Variants in PPP2R2B observed in about 807,000 individuals in gnomAD.
PPP2R2B encodes serine/threonine-protein phosphatase 2A 55 kDa regulatory subunit B beta isoform.
In PPP2R2B, 5 loss-of-function variants were observed where a neutral mutation model predicts 46.0. The ratio of observed to expected loss-of-function variants is 0.11; its 90% CI spans 0.06 to 0.23. PPP2R2B has a LOEUF of 0.23. Among genes scored for constraint, PPP2R2B ranks in the 10% least tolerant of loss-of-function variants. The pLI is 1.00. For synonymous variants in PPP2R2B, 215 were observed against 206.7 expected, an observed-to-expected ratio of 1.04 and a Z score of -0.34; for missense variants, 367 against 575.0, an observed-to-expected ratio of 0.64 and a Z score of 3.70.
intron 7 of PPP2R2B, among the ~76,000 whole-genome samples, chr5:146,617,198 A>G (rs1490667255): frequency 6.6e-6 from 1 of 152,134 alleles, no homozygotes; most frequent in African/African-American, 2.4e-5. Context: ...GGAGATAGAG[A>G]GTAGAAGGAT....
At chr5:147,054,883 C>A (rs959659632) in intron 1 of PPP2R2B, among the ~76,000 whole-genome samples, 10 of 152,148 alleles carry the variant, frequency 6.6e-5, no homozygotes, top group African/African-American at 2.4e-4. Context: ...AAAACACAGG[C>A]ACATCACATA....
chr5:146,909,724 T>G (rs1009965552), intron 1 of PPP2R2B, among the ~76,000 whole-genome samples: 1 of 152,098 alleles, frequency 6.6e-6, no homozygotes, highest in Non-Finnish European at 1.5e-5. Context: ...TTGAGAAGAG[T>G]CAGGGTCTTT....
At chr5:146,734,880 T>A (rs1752445138) in intron 2 of PPP2R2B, among the ~76,000 whole-genome samples, 1 of 152,216 alleles carries the variant, frequency 6.6e-6, no homozygotes, top group African/African-American at 2.4e-5. Flanking sequence ...TGGCAAAAGC[T>A]ACAATTACTG....
intron 2 of PPP2R2B, among the ~76,000 whole-genome samples, chr5:146,835,719 C>T (rs1438664422): frequency 9.9e-5 from 15 of 152,274 alleles, no homozygotes; most frequent in Middle Eastern, 3.4e-3. Flanking sequence ...CACTATCCCA[C>T]GCTTCCTCTC....
intron 1 of PPP2R2B, among the ~76,000 whole-genome samples, chr5:146,944,634 CG>C (rs1482827461): frequency 6.6e-6 from 1 of 152,040 alleles, no homozygotes; most frequent in East Asian, 1.9e-4. Flanking sequence ...CTCACAGGAG[CG>C]GGAAGACTGT....
chr5:146,754,213 A>C (rs970617212), intron 2 of PPP2R2B, among the ~76,000 whole-genome samples: 3 of 152,170 alleles, frequency 2.0e-5, no homozygotes, highest in Non-Finnish European at 4.4e-5. Context: ...TCAACTCAGC[A>C]ATTCTGCATC....
chr5:146,821,875 C>A (rs1359811752), intron 2 of PPP2R2B, among the ~76,000 whole-genome samples: 2 of 152,104 alleles, frequency 1.3e-5, no homozygotes, highest in Admixed American at 1.3e-4. Context: ...TGTAAATTCC[C>A]ATTTATGCAA....
At chr5:147,062,353 GTAA>G (rs1757284519) in intron 2 of PPP2R2B, among the ~76,000 whole-genome samples, 2 of 152,168 alleles carry the variant, frequency 1.3e-5, no homozygotes. Context: ...GACGGTAGTA[GTAA>G]TAAGAGCAAC....
At position 146,846,007 on chromosome 5, in the gene PPP2R2B, A is replaced by G. The variant is rs1454228520; in HGVS notation, c.70+31995T>C. 5.3e-5 allele frequency among the ~76,000 whole-genome samples: 8 copies of G among 152,352 alleles called. No homozygotes were observed. In the East Asian group the frequency reaches 1.5e-3, roughly 29 times the overall value. On this transcript the variant is annotated intron_variant, in intron 2 of 9. Transcript: ENST00000394411. ...GAGTTCTGAAGACAACATGAGAAAAAGAATGTAACATCTCATAATTGTCAT... is the reference window on the plus strand; with the variant it reads ...GAGTTCTGAAGACAACATGAGAAAAGGAATGTAACATCTCATAATTGTCAT...
chr5:146,930,508 G>T (rs1429879693), intron 1 of PPP2R2B, among the ~76,000 whole-genome samples: 1 of 152,184 alleles, frequency 6.6e-6, no homozygotes, highest in South Asian at 2.1e-4. Context: ...CCAGTGGTCT[G>T]GATGGGAAGA....
At chr5:147,072,439 A>G (rs1402150207) in intron 2 of PPP2R2B, among the ~76,000 whole-genome samples, 1 of 152,210 alleles carries the variant, frequency 6.6e-6, no homozygotes, top group Non-Finnish European at 1.5e-5. Context: ...GTCAATAAAT[A>G]TTTATTAAGC....
intron 8 of PPP2R2B, among the ~76,000 whole-genome samples, chr5:146,597,322 A>G (rs1326880629): frequency 1.3e-5 from 2 of 150,014 alleles, no homozygotes; most frequent in Non-Finnish European, 2.9e-5. Flanking sequence ...TGTCATTGCT[A>G]TCCCTGTACC....
intron 2 of PPP2R2B, among the ~76,000 whole-genome samples, chr5:146,805,539 C>T (rs1462598594): frequency 1.3e-5 from 2 of 152,178 alleles, no homozygotes; most frequent in Admixed American, 6.5e-5. Context: ...CATTGTCTAA[C>T]ATGCTTTAAT....
At chr5:146,628,589 A>G (rs557163237) in intron 7 of PPP2R2B, among the ~76,000 whole-genome samples, 20 of 152,278 alleles carry the variant, frequency 1.3e-4, no homozygotes, top group African/African-American at 4.3e-4. Flanking sequence ...TTACCTCTCA[A>G]TAAGATGGAA....
At chr5:146,900,143 T>C (rs966936911) in intron 1 of PPP2R2B, among the ~76,000 whole-genome samples, 4 of 152,200 alleles carry the variant, frequency 2.6e-5, no homozygotes, top group Non-Finnish European at 5.9e-5. Context: ...AGATGCTTTA[T>C]TGTGATTATT....
chr5:146,613,802 A>C (rs1461110545), intron 7 of PPP2R2B, among the ~76,000 whole-genome samples: 3 of 143,684 alleles, frequency 2.1e-5, no homozygotes. Flanking sequence ...AGGGATAGGA[A>C]GGACCTCTTC....
intron 1 of PPP2R2B, among the ~76,000 whole-genome samples, chr5:146,976,346 A>T (rs1179339671): frequency 1.3e-5 from 2 of 151,982 alleles, no homozygotes. Flanking sequence ...CATGTTGGCC[A>T]GGCTGGTCTC....
At chr5:146,648,170 T>C (rs1775711450) in intron 6 of PPP2R2B, among the ~76,000 whole-genome samples, 1 of 152,160 alleles carries the variant, frequency 6.6e-6, no homozygotes, top group Non-Finnish European at 1.5e-5. Flanking sequence ...TGCATACTTT[T>C]TTAGGGCATG....
intron 2 of PPP2R2B, among the ~76,000 whole-genome samples, chr5:146,783,328 A>G (rs1230776601): frequency 1.3e-5 from 2 of 152,236 alleles, no homozygotes; most frequent in Non-Finnish European, 2.9e-5. Flanking sequence ...CAAATTCTGC[A>G]TAAGTTACAG....
Sources: gnomAD v4.1 joint callset for allele counts (sites outside exome capture counted in the v4.1 genomes callset) on GRCh38, gnomAD v4.1.1 for gene constraint, MANE v1.5 for transcripts, NCBI Gene and HGNC (gene_info 2026-07-23, HGNC 2026-07-21) for gene names.